The following RASGRP1 variants were observed in gnomAD, a reference collection of about 807,000 sequenced individuals.
RASGRP1 encodes the protein RAS guanyl releasing protein 1, also known as RAS guanyl-releasing protein 1.
A neutral mutation model predicts 95.1 loss-of-function variants in RASGRP1; 37 were observed. That is an observed-to-expected ratio of 0.39 (90% CI 0.30 to 0.51). RASGRP1 has a LOEUF of 0.51. Ranked by LOEUF, RASGRP1 falls within the 20% of genes least tolerant of loss-of-function variation. The pLI, the probability that RASGRP1 is intolerant of heterozygous loss-of-function variation, is 0.80. For missense variants in RASGRP1, 711 were observed against 965.4 expected, an observed-to-expected ratio of 0.74 and a Z score of 3.49; for synonymous variants, 325 against 353.4, an observed-to-expected ratio of 0.92 and a Z score of 0.90.
intron 2 of RASGRP1, among the ~76,000 whole-genome samples, chr15:38,533,682 C>T (rs1446737333): frequency 1.3e-5 from 2 of 152,126 alleles, no homozygotes; most frequent in Non-Finnish European, 2.9e-5. Flanking sequence ...AGTCCCCAGC[C>T]CCTCAAGACT....
At chr15:38,497,489 TC>T (rs555884726) in intron 15 of RASGRP1, among the ~76,000 whole-genome samples, 19 of 152,030 alleles carry the variant, frequency 1.2e-4, no homozygotes, top group Non-Finnish European at 2.6e-4. Flanking sequence ...TCTGTCCTCC[TC>T]CCATAACTTA....
intron 2 of RASGRP1, among the ~76,000 whole-genome samples, 187 bp downstream of exon 2, chr15:38,559,634 A>T (rs1488988522): frequency 6.6e-6 from 1 of 152,220 alleles, no homozygotes; most frequent in Non-Finnish European, 1.5e-5. Flanking sequence ...TGCACTTCTC[A>T]TCACGACCTA....
Position 38,488,143 on chromosome 15 carries a change from CAAAG to C in RASGRP1, c.*2407_*2410del, listed in dbSNP as rs1755614671. The C allele has an allele frequency of 6.6e-6, 1 of 152,040 alleles. No individual in the cohort carries two copies. Among genetic ancestry groups the C allele is most frequent in the African/African-American group, 2.4e-5 (1 of 41,502 alleles). 9.4% of individuals were successfully genotyped at this position (152,040 alleles called of 1,614,324 possible). On this transcript the variant is annotated 3_prime_UTR_variant, in exon 17 of 17. Transcript: ENST00000310803. ...TGTCTTTTATCATATAAATATTACA[CAAAG>C]AAAACTTACATTAGGTATCAAAAAA...
intron 2 of RASGRP1, among the ~76,000 whole-genome samples, chr15:38,545,240 A>G (rs1893063633): frequency 6.6e-6 from 1 of 152,148 alleles, no homozygotes; most frequent in Admixed American, 6.5e-5. Context: ...TTTCTTAACT[A>G]TTTATCTCCT....
In RASGRP1 at chr15:38,520,022, T is replaced by G. The variant is rs1348355022; in HGVS notation, c.327-651A>C. On this transcript the variant is annotated intron_variant, in intron 3 of 16. Coordinates refer to ENST00000310803, the MANE Select transcript of RASGRP1 (RefSeq NM_005739.4). Reference sequence around the variant, plus strand: ...GTCACCTTAAGGATCCTTTTCATTCTGAGCATTCCAAGAATATGAAAGAAT... The same window carrying G: ...GTCACCTTAAGGATCCTTTTCATTCGGAGCATTCCAAGAATATGAAAGAAT... Among the ~76,000 whole-genome samples, 4 of 152,224 alleles carry G rather than the reference T, an allele frequency of 2.6e-5. No homozygotes were observed. In the South Asian group the frequency reaches 6.2e-4, roughly 24 times the overall value.
chr15:38,519,483 A>G, intron 3 of RASGRP1, 112 bp from the exon 4 acceptor site: 1 of 808,894 alleles, frequency 1.2e-6, no homozygotes, highest in Non-Finnish European at 2.0e-6. Flanking sequence ...CTAAAAAATG[A>G]AAATGTGATG....
intron 1 of RASGRP1, chr15:38,560,237 T>A (rs533172785): frequency 2.5e-5 from 14 of 551,216 alleles, no homozygotes; most frequent in Admixed American, 2.4e-4. Context: ...ATCCTGGCAT[T>A]AGGATTGCTC....
intron 2 of RASGRP1, among the ~76,000 whole-genome samples, chr15:38,546,804 T>C (rs1255420328): frequency 2.0e-5 from 3 of 152,216 alleles, no homozygotes; most frequent in African/African-American, 4.8e-5. Flanking sequence ...TACTGACTCA[T>C]GTTGAATTTA....
At chr15:38,525,009 C>G (rs1168756075) in intron 3 of RASGRP1, among the ~76,000 whole-genome samples, 1 of 151,502 alleles carries the variant, frequency 6.6e-6, no homozygotes, top group South Asian at 2.1e-4. Flanking sequence ...ACTTCATTGC[C>G]CAGGCTGGAG....
At chr15:38,553,348 C>A (rs920674581) in intron 2 of RASGRP1, among the ~76,000 whole-genome samples, 1 of 152,222 alleles carries the variant, frequency 6.6e-6, no homozygotes, top group African/African-American at 2.4e-5. Flanking sequence ...CTGTTTCTGT[C>A]AATTACTGAA....
At chr15:38,525,384 T>C (rs1325507434) in intron 3 of RASGRP1, among the ~76,000 whole-genome samples, 1 of 152,120 alleles carries the variant, frequency 6.6e-6, no homozygotes, top group East Asian at 1.9e-4. Context: ...AGACACTGAG[T>C]TGGTTTCATG....
At chr15:38,513,203 G>A (rs1416882683) in intron 6 of RASGRP1, among the ~76,000 whole-genome samples, 1 of 152,200 alleles carries the variant, frequency 6.6e-6, no homozygotes, top group East Asian at 1.9e-4. Context: ...AAGTGGATGT[G>A]TAGACACATT....
At chr15:38,560,093 CAATT>C (rs1003790470) in intron 1 of RASGRP1, 88 bp from the exon 2 acceptor site, 4 of 1,215,162 alleles carry the variant, frequency 3.3e-6, no homozygotes, top group East Asian at 2.5e-5. Flanking sequence ...GGAGATAAGA[CAATT>C]AATCTCAGGA....
Position 38,507,669 on chromosome 15 carries a change from G to T in RASGRP1, c.1242+57C>A, listed in dbSNP as rs1324381065. The T allele has an allele frequency of 7.2e-6, 11 of 1,518,694 alleles. No individual in the cohort carries two copies. The East Asian group carries it at 2.7e-4, about 37-fold the overall frequency. The allele number at this position is 1,518,694 out of a possible 1,614,324, so 94.1% of individuals were successfully genotyped here. On this transcript the variant is annotated intron_variant, in intron 9 of 16. Transcript: ENST00000310803. ...CAGCTAATATTTGGTAAGGGGTATA[G>T]AATGGCACCTGGCACACAGAAAGTG...
rs1890432607 is a variant in RASGRP1, at chr15:38,488,307, T to C, written c.*2247A>G. The C allele has an allele frequency of 6.6e-6, 1 of 151,916 alleles. No individual in the cohort carries two copies. The highest frequency in any genetic ancestry group is 2.4e-5 in the African/African-American group (1 of 41,392). The allele number at this position is 151,916 out of a possible 1,614,324, so 9.4% of individuals were successfully genotyped here. A position where few individuals can be genotyped will look rare whatever the true frequency, so the allele number is the denominator to read the frequency against. ...GACCCTGCTGTTAATACAACAAGAT[T>C]TGTCCTTGTTTTGGCAGATAAATAC... On this transcript the variant is annotated 3_prime_UTR_variant, in exon 17 of 17. Coordinates refer to ENST00000310803, the MANE Select transcript of RASGRP1 (RefSeq NM_005739.4).
chr15:38,498,245 C>A (rs1343131362), intron 15 of RASGRP1, among the ~76,000 whole-genome samples: 1 of 152,180 alleles, frequency 6.6e-6, no homozygotes, highest in Admixed American at 6.5e-5. Context: ...ATCAAATTCG[C>A]AGCTGCCTCT....
intron 2 of RASGRP1, among the ~76,000 whole-genome samples, chr15:38,527,773 C>T (rs547379952): frequency 2.6e-5 from 4 of 152,114 alleles, no homozygotes; most frequent in African/African-American, 7.2e-5. Flanking sequence ...GCTCCTCAAA[C>T]GACGATCTAA....
intron 2 of RASGRP1, among the ~76,000 whole-genome samples, chr15:38,544,573 T>G (rs1893035147): frequency 6.6e-6 from 1 of 152,242 alleles, no homozygotes; most frequent in Admixed American, 6.5e-5. Context: ...CTTCTCTGTC[T>G]TGCAAGCACT....
intron 16 of RASGRP1, 99 bp from the exon 17 acceptor site, chr15:38,490,787 T>C (rs1890544334): frequency 1.3e-5 from 16 of 1,275,868 alleles, no homozygotes; most frequent in Middle Eastern, 2.2e-4. Context: ...TCCTATTCAC[T>C]GTGGCTGAGA....
Sources: allele counts gnomAD v4.1 joint callset (sites outside exome capture counted in the v4.1 genomes callset), GRCh38; gene constraint gnomAD v4.1.1; transcripts MANE v1.5; gene names NCBI Gene and HGNC (gene_info 2026-07-23, HGNC 2026-07-21).